PTPRK: variants seen among roughly 807,000 people sequenced by gnomAD.
The protein encoded by PTPRK is receptor-type tyrosine-protein phosphatase kappa.
Under a neutral mutation model 178.0 loss-of-function variants are expected in PTPRK, and 75 were observed. That is an observed-to-expected ratio of 0.42 (90% CI 0.35 to 0.51). PTPRK has a LOEUF of 0.51. Ranked by LOEUF, PTPRK falls within the 20% of genes least tolerant of loss-of-function variation. PTPRK has a pLI of 0.02. For synonymous variants in PTPRK, 637 were observed against 620.6 expected, an observed-to-expected ratio of 1.03 and a Z score of -0.39; for missense variants, 1,441 against 1,797.8, an observed-to-expected ratio of 0.80 and a Z score of 3.59.
intron 2 of PTPRK, among the ~76,000 whole-genome samples, chr6:128,354,682 A>G (rs1219565870): frequency 6.6e-6 from 1 of 152,228 alleles, no homozygotes; most frequent in African/African-American, 2.4e-5. Context: ...TGTGCTAAGC[A>G]TTTTATAAGT....
intron 13 of PTPRK, among the ~76,000 whole-genome samples, chr6:128,015,673 C>T (rs1455492517): frequency 1.3e-4 from 19 of 151,796 alleles, no homozygotes; most frequent in Admixed American, 1.2e-3. Flanking sequence ...TTTTCAACCT[C>T]ATCTTCTGAG....
In PTPRK at chr6:128,240,100, G is replaced by T. The variant is rs1814118233; in HGVS notation, c.628C>A (p.Gln210Lys). ...GCAATGCACTGAAATGTAGCGTTTT[G>T]CCCTGCATTCACCTCTACATCCCCT... Reference protein sequence around the residue: ...RLGDVEVNAGQNATFQCIATG... With the variant: ...RLGDVEVNAGKNATFQCIATG... The change falls in exon 5 of 30, where the codon CAA becomes AAA. Residue 210 changes from glutamine (Q) to lysine (K), a missense_variant. Gln to Lys is a moderately conservative substitution (Grantham distance 53). This residue lies in a region of PTPRK where 945 missense variants were observed against 1,080.6 expected (regional missense o/e 0.87). Transcript: ENST00000368226. 1 of 1,613,920 alleles carries T rather than the reference G, an allele frequency of 6.2e-7. No individual in the cohort carries two copies. Among genetic ancestry groups the T allele is most frequent in the Non-Finnish European group, 8.5e-7 (1 of 1,179,974 alleles).
chr6:128,193,960 G>A (rs1048847076), intron 6 of PTPRK, among the ~76,000 whole-genome samples: 7 of 151,164 alleles, frequency 4.6e-5, no homozygotes, highest in African/African-American at 1.7e-4. Context: ...CAAACTATAG[G>A]GAAACTAAAA....
chr6:128,171,626 T>C (rs1264436184), intron 7 of PTPRK, among the ~76,000 whole-genome samples: 2 of 152,018 alleles, frequency 1.3e-5, no homozygotes, highest in Non-Finnish European at 2.9e-5. Flanking sequence ...GTACTGTTTG[T>C]AATAAGGGAG....
chr6:128,021,480 C>CA (rs1403364409), intron 13 of PTPRK, among the ~76,000 whole-genome samples: 1 of 151,966 alleles, frequency 6.6e-6, no homozygotes, highest in Non-Finnish European at 1.5e-5. Context: ...ACTAAAAATA[C>CA]AAAAAATTAG....
At chr6:128,229,239 T>A (rs911218339) in intron 5 of PTPRK, among the ~76,000 whole-genome samples, 3 of 152,170 alleles carry the variant, frequency 2.0e-5, no homozygotes, top group Non-Finnish European at 4.4e-5. Context: ...AGTACAAGTT[T>A]CAAAATAAAA....
Position 128,323,897 on chromosome 6 carries a change from C to T in PTPRK, c.224-1587G>A, listed in dbSNP as rs72971105. On this transcript the variant is annotated intron_variant, in intron 2 of 29. Transcript: ENST00000368226. ...CGGCACATTAATAGAATAAACTGTC[C>T]GTGTGTATTTTGGAGAAATTATGTC... Among the ~76,000 whole-genome samples, 81 of 151,742 alleles carry T rather than the reference C, an allele frequency of 5.3e-4. 1 individual carries two copies. Among genetic ancestry groups the T allele is most frequent in the Admixed American group, 1.3e-3 (20 of 15,232 alleles).
chr6:128,434,953 G>C (rs1170637827), intron 1 of PTPRK, among the ~76,000 whole-genome samples: 1 of 151,942 alleles, frequency 6.6e-6, no homozygotes. Context: ...GAGCCTAGGA[G>C]GTCAAGGTTG....
chr6:128,393,429 T>C (rs1407916660), intron 2 of PTPRK, among the ~76,000 whole-genome samples: 1 of 152,104 alleles, frequency 6.6e-6, no homozygotes, highest in Non-Finnish European at 1.5e-5. Flanking sequence ...GAAGGACATA[T>C]AAGAAATATA....
intron 1 of PTPRK, among the ~76,000 whole-genome samples, chr6:128,455,087 T>A (rs2128408715): frequency 6.6e-6 from 1 of 152,206 alleles, no homozygotes; most frequent in South Asian, 2.1e-4. Flanking sequence ...GAAGCTTAGT[T>A]TTTCTAGCTC....
intron 1 of PTPRK, among the ~76,000 whole-genome samples, chr6:128,480,254 G>A (rs925655490): frequency 6.6e-6 from 1 of 152,086 alleles, no homozygotes; most frequent in Non-Finnish European, 1.5e-5. Context: ...TGTTCTTCCA[G>A]ATGCCTGCAG....
chr6:128,197,601 T>C (rs1805121887), intron 6 of PTPRK, among the ~76,000 whole-genome samples: 1 of 151,986 alleles, frequency 6.6e-6, no homozygotes, highest in Non-Finnish European at 1.5e-5. Context: ...ATAAAACCAA[T>C]GTCAATTATG....
intron 13 of PTPRK, among the ~76,000 whole-genome samples, chr6:128,030,924 T>C (rs796687413): frequency 2.0e-5 from 3 of 152,288 alleles, no homozygotes; most frequent in African/African-American, 7.2e-5. Context: ...TTCATTTTTT[T>C]CCCCAGCAAA....
At chr6:127,975,359 T>A (rs1020601711) in intron 27 of PTPRK, among the ~76,000 whole-genome samples, 4 of 152,152 alleles carry the variant, frequency 2.6e-5, no homozygotes, top group Non-Finnish European at 5.9e-5. Flanking sequence ...AAGATATGCA[T>A]GAATATTATG....
chr6:128,165,880 C>T (rs182843170), intron 7 of PTPRK, among the ~76,000 whole-genome samples: 2 of 151,238 alleles, frequency 1.3e-5, no homozygotes, highest in East Asian at 1.9e-4. Context: ...AAAGATGATA[C>T]AAAAATAAAA....
intron 13 of PTPRK, among the ~76,000 whole-genome samples, chr6:128,028,811 T>G (rs1281163023): frequency 6.6e-6 from 1 of 152,150 alleles, no homozygotes; most frequent in Non-Finnish European, 1.5e-5. Flanking sequence ...GTGAAAACAA[T>G]TTTTTTGTTG....
At chr6:128,387,905 GGAA>G (rs1387746280) in intron 2 of PTPRK, among the ~76,000 whole-genome samples, 1 of 151,724 alleles carries the variant, frequency 6.6e-6, no homozygotes, top group African/African-American at 2.4e-5. Flanking sequence ...GGGCCACCCT[GGAA>G]GAAGAAGAAT....
chr6:128,393,399 A>T (rs1839882983), intron 2 of PTPRK, among the ~76,000 whole-genome samples: 1 of 152,058 alleles, frequency 6.6e-6, no homozygotes. Flanking sequence ...GTTCATAAGG[A>T]CCTTATAGTC....
intron 8 of PTPRK, among the ~76,000 whole-genome samples, chr6:128,087,214 CA>C (rs929539460): frequency 6.6e-6 from 1 of 152,048 alleles, no homozygotes; most frequent in African/African-American, 2.4e-5. Context: ...GGCAAACTAA[CA>C]AACCATATCC....
Sources: allele counts gnomAD v4.1 joint callset (sites outside exome capture counted in the v4.1 genomes callset), GRCh38; gene constraint gnomAD v4.1.1; regional missense constraint gnomAD v4.1.1; transcripts MANE v1.5; gene names NCBI Gene and HGNC (gene_info 2026-07-23, HGNC 2026-07-21).